Variants in CTNNA2 observed in about 807,000 individuals in gnomAD.
CTNNA2 encodes the protein catenin alpha 2.
CTNNA2 carries 42 observed loss-of-function variants against 101.0 expected under a neutral mutation model. The ratio of observed to expected loss-of-function variants is 0.42; its 90% CI spans 0.32 to 0.54. CTNNA2 has a LOEUF of 0.54. Among genes scored for constraint, CTNNA2 ranks in the 20% least tolerant of loss-of-function variants. CTNNA2 has a pLI of 0.14. For synonymous variants in CTNNA2, 450 were observed against 456.4 expected (o/e 0.99, Z 0.18); for missense variants, 871 against 1,223.1 (o/e 0.71, Z 4.29).
intron 7 of CTNNA2, among the ~76,000 whole-genome samples, chr2:80,072,952 A>G (rs1318205347): frequency 6.6e-6 from 1 of 152,242 alleles, no homozygotes; most frequent in African/African-American, 2.4e-5. Context: ...TTAAGTCAGT[A>G]TCACACATGT....
chr2:79,654,081 G>A (rs1681443239), intron 2 of CTNNA2, among the ~76,000 whole-genome samples: 1 of 152,146 alleles, frequency 6.6e-6, no homozygotes, highest in African/African-American at 2.4e-5. Context: ...TTCCTTCTGA[G>A]TCTGCACCAG....
chr2:80,162,508 A>T, intron 7 of CTNNA2: 2 of 1,603,220 alleles, frequency 1.2e-6, no homozygotes, highest in Non-Finnish European at 1.7e-6. Flanking sequence ...TATCATAGTC[A>T]TGGCTCCAGC....
At chr2:79,218,826 T>A (rs1529791) in intron 2 of CTNNA2, among the ~76,000 whole-genome samples, 10,315 of 152,276 alleles carry the variant, frequency 0.068, 423 homozygotes, top group East Asian at 0.15. Flanking sequence ...ATTGTGTAAC[T>A]TTTTGCTAAA....
At chr2:80,438,694 T>A (rs1185666027) in intron 9 of CTNNA2, among the ~76,000 whole-genome samples, 2 of 151,064 alleles carry the variant, frequency 1.3e-5, no homozygotes, top group Non-Finnish European at 2.9e-5. Context: ...TAGAGTCTGG[T>A]CCAGGCTGTT....
rs115865478 is a variant in CTNNA2, at chr2:80,472,864, G to A, written c.1290+53263G>A. ...ACTGGTTTATTATTTTAGTGAACAG[G>A]CCTCCAGTTATTGTCATTACACGTG... On this transcript the variant is annotated intron_variant, in intron 9 of 18. Coordinates refer to ENST00000402739, the MANE Select transcript of CTNNA2 (RefSeq NM_001282597.3). 8.2e-3 allele frequency among the ~76,000 whole-genome samples: 1,246 copies of A among 152,184 alleles called. 19 individuals carry two copies. Among genetic ancestry groups the A allele is most frequent in the African/African-American group, 0.029 (1,194 of 41,518 alleles).
At chr2:80,640,391 A>G (rs145835600) in intron 18 of CTNNA2, among the ~76,000 whole-genome samples, 31 of 152,300 alleles carry the variant, frequency 2.0e-4, no homozygotes, top group African/African-American at 7.5e-4. Context: ...AGAAAGAGTG[A>G]GTAGACTCCA....
chr2:79,253,563 C>A (rs976913443), intron 2 of CTNNA2, among the ~76,000 whole-genome samples: 21 of 152,156 alleles, frequency 1.4e-4, no homozygotes, highest in Non-Finnish European at 5.9e-5. Context: ...AACCCCAAAT[C>A]GGTTCAGCAG....
chr2:79,492,631 A>T (rs1671216013), intron 4 of CTNNA2, among the ~76,000 whole-genome samples: 1 of 152,178 alleles, frequency 6.6e-6, no homozygotes, highest in Admixed American at 6.5e-5. Flanking sequence ...AATCTTAAAA[A>T]TGAAATAAAA....
chr2:79,202,151 G>C (rs941675941), intron 2 of CTNNA2, among the ~76,000 whole-genome samples: 1 of 152,280 alleles, frequency 6.6e-6, no homozygotes, highest in Admixed American at 6.5e-5. Flanking sequence ...AATGACACAT[G>C]CATTTGTCTC....
chr2:79,875,609 C>T (rs2861959), intron 6 of CTNNA2, among the ~76,000 whole-genome samples: 20,383 of 152,074 alleles, frequency 0.13, 1,740 homozygotes, highest in Admixed American at 0.24. Flanking sequence ...GATGATATAA[C>T]TGAGGAATAA....
At chr2:80,203,634 T>C (rs1658148118) in intron 7 of CTNNA2, among the ~76,000 whole-genome samples, 1 of 152,230 alleles carries the variant, frequency 6.6e-6, no homozygotes, top group Non-Finnish European at 1.5e-5. Context: ...TCCTGGCTGC[T>C]TTCACAGGCT....
chr2:80,087,843 G>A (rs1442433767), intron 7 of CTNNA2, among the ~76,000 whole-genome samples: 2 of 151,860 alleles, frequency 1.3e-5, no homozygotes, highest in Non-Finnish European at 2.9e-5. Flanking sequence ...GAGGTGTAAG[G>A]CAGACTTGGT....
At chr2:80,535,941 A>C (rs116605629) in intron 9 of CTNNA2, among the ~76,000 whole-genome samples, 1,936 of 152,272 alleles carry the variant, frequency 0.013, 40 homozygotes, top group African/African-American at 0.044. Flanking sequence ...CCTCAAGTCC[A>C]ATTTTGATGG....
chr2:79,898,824 C>T (rs184889599), intron 6 of CTNNA2, among the ~76,000 whole-genome samples: 125 of 152,082 alleles, frequency 8.2e-4, no homozygotes, highest in African/African-American at 2.9e-3. Flanking sequence ...CTTAGAGGGT[C>T]GGGATTGGAC....
rs1676224100 is a variant in CTNNA2 at position 79,305,708 on chromosome 2, T to G, written c.-405-7001T>G. Among the ~76,000 whole-genome samples, 4 of 152,124 alleles carry G rather than the reference T, an allele frequency of 2.6e-5. No homozygotes were observed. The South Asian group carries it at 8.3e-4, about 31-fold the overall frequency. Reference sequence around the variant, plus strand: ...TAACATAGATCAATCTATAGATAGATAGAAATTTAGAACATTTCTTTGGGA... The same window carrying G: ...TAACATAGATCAATCTATAGATAGAGAGAAATTTAGAACATTTCTTTGGGA... On this transcript the variant is annotated intron_variant, in intron 2 of 21. Transcript: ENST00000466387.
chr2:79,376,170 G>A lies in CTNNA2; in HGVS notation c.-135+2157G>A, dbSNP rs72919130. Among the ~76,000 whole-genome samples, 612 of 152,256 alleles carry A rather than the reference G, an allele frequency of 4.0e-3. 2 individuals carry two copies. The highest frequency in any genetic ancestry group is 0.014 in the African/African-American group (593 of 41,540). On this transcript the variant is annotated intron_variant, in intron 4 of 21. Coordinates refer to the CTNNA2 transcript ENST00000466387. ...AGACGAAATAAGGATGAAGAGTAGAGGATGGGGAAGGCAGCCAGAGTTAAG... is the reference window on the plus strand; with the variant it reads ...AGACGAAATAAGGATGAAGAGTAGAAGATGGGGAAGGCAGCCAGAGTTAAG...
At chr2:80,570,847 A>G (rs144251918) in intron 12 of CTNNA2, among the ~76,000 whole-genome samples, 1 of 152,238 alleles carries the variant, frequency 6.6e-6, no homozygotes, top group African/African-American at 2.4e-5. Context: ...AAATCTCACT[A>G]GAGAGATAAT....
intron 9 of CTNNA2, among the ~76,000 whole-genome samples, chr2:80,539,087 C>T (rs796283383): frequency 2.0e-4 from 31 of 152,212 alleles, no homozygotes; most frequent in African/African-American, 7.0e-4. Flanking sequence ...GGAGCGATCT[C>T]GGCTCACTGT....
rs370199884 is a variant in CTNNA2 at position 79,696,496 on chromosome 2, G to A, written c.102+44838G>A. ...GAAAATGTTTACGGTTGGCATGGAT[G>A]AAAAGGGGCCACATAATGGCCCAAG... On this transcript the variant is annotated intron_variant, in intron 2 of 18. Transcript: ENST00000402739. 4.9e-4 allele frequency among the ~76,000 whole-genome samples: 74 copies of A among 152,150 alleles called. No homozygotes were observed. In the East Asian group the frequency reaches 0.013, roughly 27 times the overall value.
Sources: gnomAD v4.1 joint callset for allele counts (sites outside exome capture counted in the v4.1 genomes callset) on GRCh38, gnomAD v4.1.1 for gene constraint, MANE v1.5 for transcripts, NCBI Gene and HGNC (gene_info 2026-07-23, HGNC 2026-07-21) for gene names.